Variants in AQR observed in about 807,000 individuals in gnomAD.
AQR encodes the protein aquarius intron-binding spliceosomal factor, also known as RNA helicase aquarius.
Under a neutral mutation model 180.5 loss-of-function variants are expected in AQR, and 61 were observed. The observed-to-expected ratio is 0.34, with a 90% CI of 0.28 to 0.42. The LOEUF (loss-of-function observed/expected upper bound fraction) is 0.42. Among genes scored for constraint, AQR ranks in the 10% least tolerant of loss-of-function variants. The pLI is 1.00. For missense variants in AQR, 1,281 were observed against 1,798.3 expected, an observed-to-expected ratio of 0.71 and a Z score of 5.20; for synonymous variants, 551 against 588.8, an observed-to-expected ratio of 0.94 and a Z score of 0.93.
At chr15:34,964,808 A>G (rs993427469) in intron 1 of AQR, among the ~76,000 whole-genome samples, 3 of 152,192 alleles carry the variant, frequency 2.0e-5, no homozygotes, top group Non-Finnish European at 4.4e-5. Flanking sequence ...CAGAGAATAT[A>G]AGAGCTGGCA....
intron 33 of AQR, among the ~76,000 whole-genome samples, chr15:34,860,409 TAA>T (rs35242788): frequency 1.9e-4 from 27 of 140,686 alleles, no homozygotes; most frequent in African/African-American, 1.6e-4. Context: ...TGACTCCCAT[TAA>T]AAAAAAAAAA....
chr15:34,919,796 G>A (rs1173097854), intron 14 of AQR, among the ~76,000 whole-genome samples: 47 of 152,184 alleles, frequency 3.1e-4, no homozygotes, highest in Admixed American at 3.1e-3. Flanking sequence ...TACTCGGGAA[G>A]ATGAGGCACG....
intron 27 of AQR, among the ~76,000 whole-genome samples, chr15:34,879,205 C>T (rs750058815): frequency 6.6e-6 from 1 of 152,142 alleles, no homozygotes; most frequent in Non-Finnish European, 1.5e-5. Flanking sequence ...CAGCAACTAA[C>T]AGAAATCCTT....
intron 4 of AQR, among the ~76,000 whole-genome samples, chr15:34,949,039 CTG>C (rs1466955447): frequency 2.0e-5 from 3 of 151,818 alleles, no homozygotes; most frequent in Non-Finnish European, 4.4e-5. Flanking sequence ...GTGGCCCAGA[CTG>C]GAGTACAATG....
intron 27 of AQR, among the ~76,000 whole-genome samples, chr15:34,876,639 T>G (rs574751370): frequency 6.6e-6 from 1 of 152,282 alleles, no homozygotes; most frequent in Admixed American, 6.5e-5. Context: ...TCTAAGGCAC[T>G]TATACAACTC....
chr15:34,934,653 C>A lies in AQR; in HGVS notation c.719-18G>T. ...GACAGGTTCTAGACATAAGAGAGAA[C>A]GCATGATAGAATTTCCTTACTAGGC... On this transcript the variant is annotated intron_variant, in intron 9 of 34. Transcript: ENST00000156471. 6.6e-7 allele frequency: 1 copy of A among 1,516,524 alleles called. No homozygotes were observed. Among genetic ancestry groups the A allele is most frequent in the South Asian group, 1.3e-5 (1 of 74,768 alleles). 93.9% of individuals were successfully genotyped at this position (1,516,524 alleles called of 1,614,324 possible).
intron 26 of AQR, among the ~76,000 whole-genome samples, chr15:34,883,708 T>C (rs185237381): frequency 1.1e-3 from 175 of 152,332 alleles, no homozygotes; most frequent in Admixed American, 1.8e-3. Flanking sequence ...AGTCTGAGCC[T>C]GAATATGATC....
intron 19 of AQR, among the ~76,000 whole-genome samples, chr15:34,901,144 C>T (rs1056216917): frequency 6.6e-6 from 1 of 152,154 alleles, no homozygotes; most frequent in East Asian, 1.9e-4. Flanking sequence ...TACCATTTGA[C>T]TCCTATTGAG....
intron 32 of AQR, among the ~76,000 whole-genome samples, chr15:34,866,650 A>C (rs548361233): frequency 1.3e-5 from 2 of 152,286 alleles, no homozygotes; most frequent in South Asian, 4.1e-4. Context: ...TATAAACCAT[A>C]GTGACAGTCC....
rs573769516 is a variant in AQR at position 34,932,798 on chromosome 15, T to C, written c.784-364A>G. ...GGCAAAACCCTATCTCTACTAAGAA[T>C]ACAAAAACTAGCTAGGTGTGGTGAT... is the stretch of plus-strand genomic sequence containing the variant. On this transcript the variant is annotated intron_variant, in intron 10 of 34. Transcript: ENST00000156471. Among the ~76,000 whole-genome samples, 32 of 152,018 alleles carry C rather than the reference T, an allele frequency of 2.1e-4. No individual in the cohort carries two copies. The South Asian group carries it at 5.8e-3, about 28-fold the overall frequency.
Position 34,918,340 on chromosome 15 carries a change from C to A in AQR, c.1260G>T (p.Gln420His). Reference protein sequence around the residue: ...RHERRISQIQQLNQMPLYPTE... With the variant: ...RHERRISQIQHLNQMPLYPTE... ...TTGGATACAAAGGCATCTGGTTCAA[C>A]TGCTGAATCTGAGAAATTCGACGTT... Residue 420 changes from glutamine (Q) to histidine (H), a missense_variant, in exon 15 of 35, where the codon CAG (glutamine) becomes CAT (histidine). Gln to His is a conservative substitution (Grantham distance 24, BLOSUM62 0). Coordinates refer to ENST00000156471, the MANE Select transcript of AQR (RefSeq NM_014691.3). 6.2e-7 allele frequency: 1 copy of A among 1,613,796 alleles called. No individual in the cohort carries two copies. The highest frequency in any genetic ancestry group is 8.5e-7 in the Non-Finnish European group (1 of 1,179,894).
chr15:34,884,825 A>G, intron 25 of AQR, 91 bp from the exon 26 acceptor site: 9 of 964,562 alleles, frequency 9.3e-6, no homozygotes, highest in Non-Finnish European at 1.4e-5. Flanking sequence ...AAGATCTGCT[A>G]GGTGAAAAAG....
intron 12 of AQR, among the ~76,000 whole-genome samples, chr15:34,928,240 TA>T (rs948321184): frequency 6.6e-6 from 1 of 151,838 alleles, no homozygotes; most frequent in African/African-American, 2.4e-5. Flanking sequence ...TTTTTTCTTC[TA>T]AAAAAAATGG....
intron 15 of AQR, among the ~76,000 whole-genome samples, chr15:34,916,089 AAAACT>A (rs1893580316): frequency 6.6e-6 from 1 of 152,238 alleles, no homozygotes; most frequent in Non-Finnish European, 1.5e-5. Context: ...CAAGTAGTTT[AAAACT>A]TCTTCCCTTA....
intron 15 of AQR, 35 bp from the exon 16 acceptor site, chr15:34,915,214 T>A (rs1323210192): frequency 3.3e-6 from 5 of 1,531,324 alleles, no homozygotes; most frequent in Non-Finnish European, 2.6e-6. Flanking sequence ...TTTCAATTTT[T>A]TTTTTTTTTT....
chr15:34,966,869 CTTTTTTTT>C (rs148912380), intron 1 of AQR, among the ~76,000 whole-genome samples: 5 of 67,068 alleles, frequency 7.5e-5, no homozygotes, highest in African/African-American at 2.4e-4. Flanking sequence ...CCACCCTGGC[CTTTTTTTT>C]TTTTTTTTTT....
chr15:34,910,401 T>C, intron 16 of AQR, 88 bp from the exon 17 acceptor site: 2 of 1,392,380 alleles, frequency 1.4e-6, no homozygotes, highest in Non-Finnish European at 2.0e-6. Context: ...GTAGGAATAC[T>C]GTTCAGCTAG....
chr15:34,898,752 C>T (rs1201102782), intron 20 of AQR, among the ~76,000 whole-genome samples: 5 of 151,056 alleles, frequency 3.3e-5, no homozygotes, highest in Non-Finnish European at 4.4e-5. Flanking sequence ...GGCGTGGTGG[C>T]GGGCGCCTGT....
chr15:34,877,766 T>G (rs1346132092), intron 27 of AQR, among the ~76,000 whole-genome samples: 1 of 152,228 alleles, frequency 6.6e-6, no homozygotes. Context: ...CTCCATGTAT[T>G]TATTAGTCAG....
Sources: allele counts gnomAD v4.1 joint callset (sites outside exome capture counted in the v4.1 genomes callset), GRCh38; gene constraint gnomAD v4.1.1; transcripts MANE v1.5; gene names NCBI Gene and HGNC (gene_info 2026-07-23, HGNC 2026-07-21).